Variants in TMEM132D observed in about 807,000 individuals in gnomAD.
TMEM132D encodes transmembrane protein 132D.
TMEM132D carries 21 observed loss-of-function variants against 62.3 expected under a neutral mutation model. The observed-to-expected ratio is 0.34, with a 90% CI of 0.24 to 0.49. The LOEUF (loss-of-function observed/expected upper bound fraction) is 0.49. Ranked by LOEUF, TMEM132D falls within the 20% of genes least tolerant of loss-of-function variation. TMEM132D has a pLI of 0.99. For missense variants in TMEM132D, 1,346 were observed against 1,402.8 expected, an observed-to-expected ratio of 0.96 and a Z score of 0.65; for synonymous variants, 621 against 575.6, an observed-to-expected ratio of 1.08 and a Z score of -1.13.
chr12:129,211,705 C>T (rs192944393), intron 4 of TMEM132D, among the ~76,000 whole-genome samples: 2 of 152,262 alleles, frequency 1.3e-5, no homozygotes, highest in East Asian at 3.9e-4. Flanking sequence ...TTGGAATGCT[C>T]CTGAAGTTCA....
At chr12:129,181,353 A>G (rs11829931) in intron 5 of TMEM132D, among the ~76,000 whole-genome samples, 3,253 of 151,688 alleles carry the variant, frequency 0.021, 112 homozygotes, top group African/African-American at 0.074. Context: ...TACTTTATCA[A>G]CTCTTGCCCA....
At chr12:129,268,668 G>T (rs1345758937) in intron 4 of TMEM132D, among the ~76,000 whole-genome samples, 3 of 152,084 alleles carry the variant, frequency 2.0e-5, no homozygotes, top group Non-Finnish European at 4.4e-5. Context: ...CCATTACTGG[G>T]TATATACCCA....
chr12:129,254,323 C>T (rs931087097), intron 4 of TMEM132D, among the ~76,000 whole-genome samples: 1 of 152,150 alleles, frequency 6.6e-6, no homozygotes, highest in African/African-American at 2.4e-5. Flanking sequence ...CACATGCGTG[C>T]CCAAATATGT....
At chr12:129,205,674 CA>C (rs1407209049) in intron 5 of TMEM132D, among the ~76,000 whole-genome samples, 1 of 152,074 alleles carries the variant, frequency 6.6e-6, no homozygotes, top group East Asian at 1.9e-4. Flanking sequence ...ACCTCATAGA[CA>C]TCTACAAAAC....
chr12:129,486,977 A>G (rs1874599852), intron 3 of TMEM132D, among the ~76,000 whole-genome samples: 1 of 148,210 alleles, frequency 6.7e-6, no homozygotes, highest in Non-Finnish European at 1.5e-5. Flanking sequence ...GAAGGATACG[A>G]GAGGCCTGTA....
At chr12:129,540,902 G>C (rs886704965) in intron 2 of TMEM132D, among the ~76,000 whole-genome samples, 4 of 152,166 alleles carry the variant, frequency 2.6e-5, no homozygotes, top group Non-Finnish European at 4.4e-5. Flanking sequence ...CAAAGTGCTG[G>C]GATTCCAGGC....
chr12:129,392,050 C>A lies in TMEM132D; in HGVS notation c.1116-54233G>T, dbSNP rs151144937. ...GGGATTACAGGCGTGAGCCACCATG[C>A]CTGGCCTCAGTATTTCTTTTTTTTG... On this transcript the variant is annotated intron_variant, in intron 3 of 8. Transcript: ENST00000422113. Among the ~76,000 whole-genome samples, 1,277 of 151,630 alleles carry A rather than the reference C, an allele frequency of 8.4e-3. 24 individuals are homozygous for A. The highest frequency in any genetic ancestry group is 0.029 in the African/African-American group (1,203 of 41,322).
intron 4 of TMEM132D, among the ~76,000 whole-genome samples, chr12:129,235,129 C>A (rs923098023): frequency 1.3e-5 from 2 of 152,152 alleles, no homozygotes; most frequent in African/African-American, 4.8e-5. Flanking sequence ...CACCAGCCTC[C>A]GCTATGCTAG....
At chr12:129,834,131 T>C (rs912819836) in intron 1 of TMEM132D, among the ~76,000 whole-genome samples, 2 of 152,190 alleles carry the variant, frequency 1.3e-5, no homozygotes. Flanking sequence ...TTTTACAGTT[T>C]TTCCTTTCCC....
At chr12:129,318,090 C>G (rs1175867544) in intron 4 of TMEM132D, among the ~76,000 whole-genome samples, 1 of 152,178 alleles carries the variant, frequency 6.6e-6, no homozygotes, top group Non-Finnish European at 1.5e-5. Context: ...TTGCCTTTCT[C>G]TGGTCCCTCC....
intron 1 of TMEM132D, among the ~76,000 whole-genome samples, chr12:129,770,134 T>C (rs2137281891): frequency 1.0e-5 from 1 of 100,106 alleles, no homozygotes; most frequent in South Asian, 3.7e-4. Flanking sequence ...TTTGTGGGTT[T>C]TTTTGGTTGT....
At chr12:129,604,571 T>C (rs1878566197) in intron 2 of TMEM132D, among the ~76,000 whole-genome samples, 1 of 152,162 alleles carries the variant, frequency 6.6e-6, no homozygotes, top group Non-Finnish European at 1.5e-5. Context: ...ACTACAGATG[T>C]CATCATTTCC....
chr12:129,361,162 T>C lies in TMEM132D; in HGVS notation c.1116-23345A>G, dbSNP rs573837016. On this transcript the variant is annotated intron_variant, in intron 3 of 8. Coordinates refer to ENST00000422113, the MANE Select transcript of TMEM132D (RefSeq NM_133448.3). ...TCAGAGGCAAACCAGAGAGGATGTA[T>C]GTAGAGCAGCTAAGAAATTCAAATG... Among the ~76,000 whole-genome samples, 6 of 152,236 alleles carry C rather than the reference T, an allele frequency of 3.9e-5. No homozygotes were observed. In the East Asian group the frequency reaches 1.2e-3, roughly 29 times the overall value.
intron 4 of TMEM132D, among the ~76,000 whole-genome samples, chr12:129,281,803 C>T (rs1445057040): frequency 1.3e-5 from 2 of 152,186 alleles, no homozygotes; most frequent in African/African-American, 4.8e-5. Context: ...AGCTGTTTCT[C>T]CTGGTATTAC....
chr12:129,698,470 C>T (rs1374789283), intron 2 of TMEM132D, among the ~76,000 whole-genome samples: 1 of 138,152 alleles, frequency 7.2e-6, no homozygotes, highest in Non-Finnish European at 1.5e-5. Context: ...AGAATCAAAA[C>T]GGTGATTTAT....
chr12:129,877,052 A>C (rs1267661422), intron 1 of TMEM132D, among the ~76,000 whole-genome samples: 1 of 152,128 alleles, frequency 6.6e-6, no homozygotes, highest in Non-Finnish European at 1.5e-5. Context: ...TCTATCCGTG[A>C]AGAAGAGACT....
intron 4 of TMEM132D, among the ~76,000 whole-genome samples, chr12:129,326,775 G>T (rs1868927108): frequency 6.6e-6 from 1 of 152,038 alleles, no homozygotes; most frequent in African/African-American, 2.4e-5. Flanking sequence ...TTACTGTCCT[G>T]AAATAAGAAC....
intron 2 of TMEM132D, among the ~76,000 whole-genome samples, chr12:129,636,243 G>A (rs2137170856): frequency 6.6e-6 from 1 of 152,274 alleles, no homozygotes; most frequent in South Asian, 2.1e-4. Flanking sequence ...CAGAATGTAG[G>A]CCTTCCCCAC....
At chr12:129,739,778 T>C (rs1425491378) in intron 1 of TMEM132D, among the ~76,000 whole-genome samples, 1 of 152,108 alleles carries the variant, frequency 6.6e-6, no homozygotes, top group African/African-American at 2.4e-5. Context: ...GCAGGAAATA[T>C]GAGGTCTTCT....
Sources: allele counts gnomAD v4.1 joint callset (sites outside exome capture counted in the v4.1 genomes callset), GRCh38; gene constraint gnomAD v4.1.1; transcripts MANE v1.5; gene names NCBI Gene and HGNC (gene_info 2026-07-23, HGNC 2026-07-21).